Variants in SLC30A9 observed in about 807,000 individuals in gnomAD.
SLC30A9 encodes solute carrier family 30 member 9, also known as proton-coupled zinc antiporter SLC30A9, mitochondrial.
A neutral mutation model predicts 87.5 loss-of-function variants in SLC30A9; 58 were observed. That is an observed-to-expected ratio of 0.66 (90% CI 0.54 to 0.82). SLC30A9 has a LOEUF of 0.82. Ranked by LOEUF, SLC30A9 falls within the 40% of genes least tolerant of loss-of-function variation. The probability of loss-of-function intolerance (pLI) is 0.00; values close to 1 mark genes in which losing one functional copy is unlikely to be tolerated. For synonymous variants in SLC30A9, 234 were observed against 233.0 expected (o/e 1.00, Z -0.04); for missense variants, 557 against 679.1 (o/e 0.82, Z 2.00).
intron 3 of SLC30A9, among the ~76,000 whole-genome samples, chr4:42,019,074 A>C (rs1715834445): frequency 6.6e-6 from 1 of 151,886 alleles, no homozygotes; most frequent in Non-Finnish European, 1.5e-5. Context: ...TTCTTATTAC[A>C]TAATATTTGT....
At chr4:42,033,977 G>C (rs181958425) in intron 6 of SLC30A9, among the ~76,000 whole-genome samples, 1 of 152,026 alleles carries the variant, frequency 6.6e-6, no homozygotes, top group Non-Finnish European at 1.5e-5. Context: ...TTGATATACC[G>C]TAATGTATTC....
intron 2 of SLC30A9, among the ~76,000 whole-genome samples, chr4:42,010,879 T>C (rs372398066): frequency 1.6e-4 from 25 of 152,012 alleles, no homozygotes; most frequent in African/African-American, 5.3e-4. Flanking sequence ...AATCTGGGAG[T>C]GGCAGCTAGG....
At chr4:42,020,992 T>C (rs1430626673) in intron 4 of SLC30A9, among the ~76,000 whole-genome samples, 1 of 152,210 alleles carries the variant, frequency 6.6e-6, no homozygotes, top group Non-Finnish European at 1.5e-5. Flanking sequence ...TATTATTAAT[T>C]TTCTCATATT....
At chr4:42,015,961 C>T (rs1394100850) in intron 2 of SLC30A9, among the ~76,000 whole-genome samples, 1 of 152,052 alleles carries the variant, frequency 6.6e-6, no homozygotes, top group Non-Finnish European at 1.5e-5. Context: ...ATCAAAATAA[C>T]TGTGCCTCCA....
intron 1 of SLC30A9, among the ~76,000 whole-genome samples, chr4:41,997,820 T>G (rs1714787458): frequency 6.6e-6 from 1 of 152,246 alleles, no homozygotes; most frequent in African/African-American, 2.4e-5. Flanking sequence ...CTTTAACAGT[T>G]ATTTAGCTTT....
intron 3 of SLC30A9, among the ~76,000 whole-genome samples, chr4:42,018,874 C>T (rs1715823017): frequency 6.6e-6 from 1 of 151,704 alleles, no homozygotes; most frequent in African/African-American, 2.4e-5. Flanking sequence ...TCATTATCAT[C>T]CTCACCTTCA....
intron 2 of SLC30A9, among the ~76,000 whole-genome samples, chr4:42,016,959 C>T (rs1246544034): frequency 2.0e-5 from 3 of 152,108 alleles, no homozygotes. Flanking sequence ...AATATATTGA[C>T]CTAGAAGAAT....
intron 17 of SLC30A9, among the ~76,000 whole-genome samples, chr4:42,085,094 T>C (rs1049660573): frequency 2.0e-5 from 3 of 152,244 alleles, no homozygotes; most frequent in African/African-American, 7.2e-5. Flanking sequence ...TTGCAGCTTC[T>C]GTGCTAGCTA....
rs368689297 is a variant in SLC30A9 at position 41,994,661 on chromosome 4, T to A, written c.109+3901T>A. Among the ~76,000 whole-genome samples the A allele has an allele frequency of 9.1e-4, 138 of 151,176 alleles. No homozygotes were observed. The South Asian group carries it at 0.029, about 31-fold the overall frequency. On this transcript the variant is annotated intron_variant, in intron 1 of 17. Transcript: ENST00000264451. ...CCTCCTCCTCCTCAACCTCTTTAAA[T>A]AACTAAGAGTATTGACAGTTACAAA...
At chr4:42,006,760 T>C (rs1365260888) in intron 2 of SLC30A9, among the ~76,000 whole-genome samples, 2 of 150,416 alleles carry the variant, frequency 1.3e-5, no homozygotes, top group African/African-American at 4.9e-5. Context: ...CCTGGAATAG[T>C]GAGTAGAGGA....
At chr4:41,994,827 C>CAA (rs539190933) in intron 1 of SLC30A9, among the ~76,000 whole-genome samples, 60 of 94,722 alleles carry the variant, frequency 6.3e-4, no homozygotes, top group African/African-American at 1.8e-3. Context: ...GATGTGGTCT[C>CAA]AAAAAAAAAA....
chr4:42,021,795 G>T (rs1032930888), intron 4 of SLC30A9, among the ~76,000 whole-genome samples: 1 of 151,902 alleles, frequency 6.6e-6, no homozygotes, highest in Non-Finnish European at 1.5e-5. Flanking sequence ...TGCTGCCCAG[G>T]CTGGAGTGCA....
At chr4:42,005,848 T>C (rs1715178562) in intron 2 of SLC30A9, among the ~76,000 whole-genome samples, 1 of 152,186 alleles carries the variant, frequency 6.6e-6, no homozygotes. Flanking sequence ...ATTGAGCACT[T>C]TTTATATGGC....
intron 2 of SLC30A9, among the ~76,000 whole-genome samples, chr4:42,016,464 G>A (rs1715723728): frequency 6.6e-6 from 1 of 151,978 alleles, no homozygotes; most frequent in Non-Finnish European, 1.5e-5. Flanking sequence ...AGAGGAAATA[G>A]CTTTATACAT....
intron 15 of SLC30A9, 28 bp downstream of exon 15, chr4:42,070,719 A>C (rs772533524): frequency 1.3e-6 from 2 of 1,570,972 alleles, no homozygotes; most frequent in South Asian, 2.4e-5. Flanking sequence ...AATCCTGTTA[A>C]GGCTTACAAA....
At chr4:42,013,220 A>G (rs1450134207) in intron 2 of SLC30A9, among the ~76,000 whole-genome samples, 3 of 152,192 alleles carry the variant, frequency 2.0e-5, no homozygotes, top group Non-Finnish European at 4.4e-5. Context: ...TGGAGGTGGC[A>G]GTGAGCTATG....
intron 15 of SLC30A9, among the ~76,000 whole-genome samples, chr4:42,072,014 C>T (rs1718333341): frequency 6.6e-6 from 1 of 152,088 alleles, no homozygotes; most frequent in Non-Finnish European, 1.5e-5. Flanking sequence ...GTTTAAGTAG[C>T]TTGTATTCTA....
intron 1 of SLC30A9, among the ~76,000 whole-genome samples, chr4:41,999,698 A>G (rs879735905): frequency 6.6e-6 from 1 of 152,108 alleles, no homozygotes; most frequent in Non-Finnish European, 1.5e-5. Flanking sequence ...AAAAAAAGAC[A>G]TTCTGTAGCT....
rs533086599 is a variant in SLC30A9, at chr4:42,084,777, C to G, written c.1663-1305C>G. 6.6e-4 allele frequency among the ~76,000 whole-genome samples: 100 copies of G among 152,194 alleles called. 1 individual carries two copies. In the South Asian group the frequency reaches 0.02, roughly 31 times the overall value. On this transcript the variant is annotated intron_variant, in intron 17 of 17. Coordinates refer to ENST00000264451, the MANE Select transcript of SLC30A9 (RefSeq NM_006345.4). The stretch of plus-strand genomic sequence containing the variant: ...TGAGCCACCGCGCCCGGCCAGGTGC[C>G]CTTCCTTTGTGCACTCACAGGAAAA...
Sources: allele counts gnomAD v4.1 joint callset (sites outside exome capture counted in the v4.1 genomes callset), GRCh38; gene constraint gnomAD v4.1.1; transcripts MANE v1.5; gene names NCBI Gene and HGNC (gene_info 2026-07-23, HGNC 2026-07-21).